The following MTFR1 variants were observed in gnomAD, a reference collection of about 807,000 sequenced individuals.
The protein encoded by MTFR1 is chondrocyte protein with a poly-proline region.
In MTFR1, 28 loss-of-function variants were observed where a neutral mutation model predicts 38.8. The observed-to-expected ratio is 0.72, with a 90% confidence interval of 0.53 to 0.99. The LOEUF is 0.99. Ranked by LOEUF, MTFR1 falls within the 50% of genes least tolerant of loss-of-function variation. The pLI is 0.00. For synonymous variants in MTFR1, 145 were observed against 137.0 expected (o/e 1.06, Z -0.41); for missense variants, 358 against 395.5 (o/e 0.91, Z 0.81).
At chr8:65,719,673 A>G in intron 3 of MTFR1, 1 of 573,124 alleles carries the variant, frequency 1.7e-6, no homozygotes, top group Admixed American at 3.0e-5. Flanking sequence ...TCCACTTTGA[A>G]GAACTGATTT....
intron 3 of MTFR1, 116 bp downstream of exon 3, chr8:65,682,567 A>G (rs538083412): frequency 1.7e-6 from 1 of 604,704 alleles, no homozygotes; most frequent in South Asian, 6.6e-5. Flanking sequence ...TGATGCCACT[A>G]TCAATACAAT....
At position 65,751,475 on chromosome 8, in the gene MTFR1, GT is replaced by G. The variant is rs796547034; in HGVS notation, c.*49-19461del. On this transcript the variant is annotated intron_variant, in intron 3 of 3. Coordinates refer to the MTFR1 transcript ENST00000521247. ...AAGTTTCTATTGTATCCTTCCTGAG[GT>G]TTTTTTTTTTCTTTTCTCGAGTTTC... is the stretch of plus-strand genomic sequence containing the variant. Among the ~76,000 whole-genome samples the G allele has an allele frequency of 5.6e-3, 830 of 147,324 alleles. 17 individuals are homozygous for G. The highest frequency in any genetic ancestry group is 0.036 in the East Asian group (183 of 5,066).
At chr8:65,741,302 T>C (rs1391716474) in intron 3 of MTFR1, among the ~76,000 whole-genome samples, 1 of 152,196 alleles carries the variant, frequency 6.6e-6, no homozygotes, top group Non-Finnish European at 1.5e-5. Flanking sequence ...TCTAGTATTC[T>C]CTCGTCTATG....
At chr8:65,689,467 A>G (rs1306104349) in intron 3 of MTFR1, 3 of 555,734 alleles carry the variant, frequency 5.4e-6, no homozygotes, top group Non-Finnish European at 8.2e-6. Flanking sequence ...AATTTTGGGT[A>G]ATTTAGTGTT....
chr8:65,769,043 T>C (rs1808939981), intron 3 of MTFR1, among the ~76,000 whole-genome samples: 1 of 151,124 alleles, frequency 6.6e-6, no homozygotes, highest in South Asian at 2.1e-4. Context: ...AGGTCAGGAG[T>C]TCAAGACCAG....
downstream of MTFR1, among the ~76,000 whole-genome samples, chr8:65,774,270 T>C (rs1809193589): frequency 6.6e-6 from 1 of 152,148 alleles, no homozygotes; most frequent in Non-Finnish European, 1.5e-5. Flanking sequence ...ATCCTCATGC[T>C]AATAAATATT....
At chr8:65,762,665 T>C (rs549191536) in intron 3 of MTFR1, among the ~76,000 whole-genome samples, 32 of 152,344 alleles carry the variant, frequency 2.1e-4, no homozygotes, top group African/African-American at 7.5e-4. Context: ...TTAAAATTAA[T>C]AGACATGGTC....
At chr8:65,667,028 C>G (rs1309522055) in intron 1 of MTFR1, among the ~76,000 whole-genome samples, 1 of 152,134 alleles carries the variant, frequency 6.6e-6, no homozygotes, top group African/African-American at 2.4e-5. Flanking sequence ...AATCCCAGCA[C>G]TTTGGGAGGC....
At position 65,730,175 on chromosome 8, in the gene MTFR1, T is replaced by C. The variant is rs1414996973; in HGVS notation, c.*48+10694T>C. Among the ~76,000 whole-genome samples the C allele has an allele frequency of 1.3e-3, 89 of 69,814 alleles. 9 individuals are homozygous for C. Among genetic ancestry groups the C allele is most frequent in the Non-Finnish European group, 1.9e-3 (68 of 34,992 alleles). The allele number at this position is 69,814 out of a possible 152,430, so 45.8% of individuals were successfully genotyped here. ...AGGGATCCAGGTTGCGCACTTCTTTTTTTTTTTTTTTTTTTTTTTTTTGAG... is the reference window on the plus strand; with the variant it reads ...AGGGATCCAGGTTGCGCACTTCTTTCTTTTTTTTTTTTTTTTTTTTTTGAG... On this transcript the variant is annotated intron_variant, in intron 3 of 3. Transcript: ENST00000521247.
chr8:65,755,232 G>C (rs151228511), intron 3 of MTFR1, among the ~76,000 whole-genome samples: 546 of 151,924 alleles, frequency 3.6e-3, no homozygotes, highest in Non-Finnish European at 6.6e-3. Context: ...AGTTGGCCCA[G>C]CTGGTCTTGA....
intron 3 of MTFR1, among the ~76,000 whole-genome samples, chr8:65,757,620 T>C (rs7832636): frequency 6.6e-6 from 1 of 151,944 alleles, no homozygotes; most frequent in South Asian, 2.1e-4. Flanking sequence ...TGTTTTGTTT[T>C]GTTTTGTTTG....
At chr8:65,654,006 T>G (rs1809191010) in intron 1 of MTFR1, among the ~76,000 whole-genome samples, 1 of 147,950 alleles carries the variant, frequency 6.8e-6, no homozygotes, top group Non-Finnish European at 1.5e-5. Context: ...AGGGCTGCAG[T>G]GAGCTCTGAT....
upstream of MTFR1, among the ~76,000 whole-genome samples, chr8:65,643,945 C>T (rs1241378614): frequency 1.3e-5 from 2 of 152,056 alleles, no homozygotes; most frequent in Non-Finnish European, 2.9e-5. Flanking sequence ...AGTGACAGCC[C>T]AGCGACCTCC....
At chr8:65,715,793 G>A (rs1252291494) in intron 2 of MTFR1, among the ~76,000 whole-genome samples, 1 of 149,630 alleles carries the variant, frequency 6.7e-6, no homozygotes, top group African/African-American at 2.4e-5. Context: ...AGACCATCCT[G>A]GCTAACATGG....
chr8:65,662,308 C>T (rs1294648983), intron 1 of MTFR1, among the ~76,000 whole-genome samples: 1 of 152,026 alleles, frequency 6.6e-6, no homozygotes, highest in Non-Finnish European at 1.5e-5. Flanking sequence ...CTGTGTTGGC[C>T]GGGCTGGTCT....
chr8:65,775,525 C>G (rs1452417402), downstream of MTFR1, among the ~76,000 whole-genome samples: 2 of 152,218 alleles, frequency 1.3e-5, no homozygotes, highest in Non-Finnish European at 2.9e-5. Flanking sequence ...GTACTTATTT[C>G]AGAATTTGAA....
downstream of MTFR1, among the ~76,000 whole-genome samples, chr8:65,776,172 A>G (rs917463779): frequency 1.3e-5 from 2 of 152,166 alleles, no homozygotes; most frequent in African/African-American, 4.8e-5. Context: ...ACAGGGTCCA[A>G]GATTCACTTG....
intron 1 of MTFR1, among the ~76,000 whole-genome samples, chr8:65,647,806 C>CA (rs11361465): frequency 3.1e-4 from 46 of 150,586 alleles, no homozygotes; most frequent in Non-Finnish European, 4.7e-4. Context: ...AGATAAGCAA[C>CA]AAAAAAAAAA....
intron 3 of MTFR1, among the ~76,000 whole-genome samples, chr8:65,692,195 TAGTA>T (rs1334993017): frequency 3.9e-5 from 6 of 152,222 alleles, no homozygotes; most frequent in Non-Finnish European, 7.3e-5. Flanking sequence ...CTCATACTTT[TAGTA>T]AGTATTAATC....
Sources: gnomAD v4.1 joint callset for allele counts (sites outside exome capture counted in the v4.1 genomes callset) on GRCh38, gnomAD v4.1.1 for gene constraint, MANE v1.5 for transcripts, NCBI Gene and HGNC (gene_info 2026-07-23, HGNC 2026-07-21) for gene names.